SHANK1: variants seen among roughly 807,000 people sequenced by gnomAD.
SHANK1 encodes SH3 and multiple ankyrin repeat domains 1.
Under a neutral mutation model 165.6 loss-of-function variants are expected in SHANK1, and 35 were observed. That is an observed-to-expected ratio of 0.21 (90% CI 0.16 to 0.28). SHANK1 has a LOEUF of 0.28. Ranked by LOEUF, SHANK1 falls within the 10% of genes least tolerant of loss-of-function variation. SHANK1 has a pLI of 1.00. For synonymous variants in SHANK1, 1,428 were observed against 1,384.8 expected (o/e 1.03, Z -0.69); for missense variants, 2,681 against 3,036.4 (o/e 0.88, Z 2.75).
At position 50,667,658 on chromosome 19, in the gene SHANK1, G is replaced by C. The variant is rs559206133; in HGVS notation, c.4302C>G (p.Pro1434=). 1.6e-5 allele frequency: 22 copies of C among 1,402,620 alleles called. No individual in the cohort carries two copies. The South Asian group carries it at 3.0e-4, about 19-fold the overall frequency. 86.9% of individuals were successfully genotyped at this position (1,402,620 alleles called of 1,614,324 possible). The change falls in exon 23 of 24, where the codon CCC becomes CCG. Residue 1434 remains proline, a synonymous_variant. Transcript: ENST00000293441. This position sits in a 1 kb window ranked among gnomAD's most constrained non-coding sequence, Gnocchi z 5.7. ...AACGCCGGGCGGCGGGCGGGCTGGC[G>C]GGAAGGGACTTCTCCTGGCTGCCCA... The part of the protein sequence containing the change: ...AGLGSQEKSL[P]ASPPAARRSL...
rs779352092 is a variant in SHANK1, at chr19:50,689,265, T to C, written c.1979A>G (p.Lys660Arg). ...CTTCTGCAGCAAGACTGTCTTCTCCTTAATGATGTAATCGCTGGCAGGGAG... is the reference window on the plus strand; with the variant it reads ...CTTCTGCAGCAAGACTGTCTTCTCCCTAATGATGTAATCGCTGGCAGGGAG... ...GIGPGSDYII[K>R]EKTVLLQKKD... The change falls in exon 16 of 24, where the codon AAG becomes AGG. Residue 660 changes from lysine to arginine, a missense_variant. This residue lies in a region of SHANK1 where 147 missense variants were observed against 256.5 expected (regional missense o/e 0.57). Transcript: ENST00000293441. 1 of 1,611,934 alleles carries C rather than the reference T, an allele frequency of 6.2e-7. No individual in the cohort carries two copies. The highest frequency in any genetic ancestry group is 1.3e-5 in the African/African-American group (1 of 74,710).
chr19:50,695,515 C>T (rs975935533), intron 15 of SHANK1, among the ~76,000 whole-genome samples: 2 of 151,004 alleles, frequency 1.3e-5, no homozygotes, highest in African/African-American at 2.4e-5. Flanking sequence ...CCGGTCTGGG[C>T]CCCCCCTTAA....
In SHANK1 at chr19:50,700,875, C is replaced by G. The variant is rs140786189; in HGVS notation, c.1747+1592G>C. The stretch of plus-strand genomic sequence containing the variant: ...GCCCTGAAGGAGCTGCACCTGGCCC[C>G]CACAGTAGCTCCTGAATTTGATCAT... On this transcript the variant is annotated intron_variant, in intron 12 of 23. Transcript: ENST00000293441. 2.8e-3 allele frequency among the ~76,000 whole-genome samples: 426 copies of G among 152,222 alleles called. 5 individuals are homozygous for G. Among genetic ancestry groups the G allele is most frequent in the African/African-American group, 9.7e-3 (402 of 41,508 alleles).
Position 50,666,379 on chromosome 19 carries a change from A to C in SHANK1, c.5581T>G (p.Ser1861Ala), listed in dbSNP as rs1021788527. The C allele has an allele frequency of 1.2e-5, 20 of 1,613,500 alleles. No individual in the cohort carries two copies. The highest frequency in any genetic ancestry group is 2.7e-5 in the African/African-American group (2 of 74,936). ...CTGGCTTTTACTGTGGCCAAGGCTGAGGCCTGAGGCTGGGCCAAGGGCCCG... is the reference window on the plus strand; with the variant it reads ...CTGGCTTTTACTGTGGCCAAGGCTGCGGCCTGAGGCTGGGCCAAGGGCCCG... ...LPGPLAQPQASALATVKASII... is the reference protein window; with the variant it reads ...LPGPLAQPQAAALATVKASII... Residue 1861 changes from serine (S) to alanine (A), a missense_variant, in exon 23 of 24, where the codon TCA (serine) becomes GCA (alanine). Around this residue, in one of 10 missense-constraint regions of SHANK1, gnomAD observed 1,713 missense variants for 1,630.2 expected, o/e 1.05. Coordinates refer to ENST00000293441, the MANE Select transcript of SHANK1 (RefSeq NM_016148.5).
chr19:50,678,238 C>G (rs1047277852), intron 21 of SHANK1, among the ~76,000 whole-genome samples: 1 of 152,018 alleles, frequency 6.6e-6, no homozygotes, highest in African/African-American at 2.4e-5. Flanking sequence ...GCTCAAAAAC[C>G]CTGAGATAAA....
chr19:50,669,665 T>G (rs1183155008), intron 22 of SHANK1, among the ~76,000 whole-genome samples: 1 of 152,176 alleles, frequency 6.6e-6, no homozygotes, highest in Non-Finnish European at 1.5e-5. Flanking sequence ...GATGCGTGTT[T>G]CTTTTCACGT....
chr19:50,680,342 A>T lies in SHANK1; in HGVS notation c.2577+5895T>A, dbSNP rs149718836. On this transcript the variant is annotated intron_variant, in intron 21 of 23. Transcript: ENST00000293441. Reference sequence around the variant, plus strand: ...CAGAGAGGGCCTGCGCAGCCCCAGGAGGGAACCCCAGAAGTGGGGAGTGCA... The same window carrying T: ...CAGAGAGGGCCTGCGCAGCCCCAGGTGGGAACCCCAGAAGTGGGGAGTGCA... Among the ~76,000 whole-genome samples the T allele has an allele frequency of 4.5e-3, 685 of 152,214 alleles. 5 individuals are homozygous for T. The highest frequency in any genetic ancestry group is 0.015 in the African/African-American group (639 of 41,530).
In SHANK1 at chr19:50,703,504, G is replaced by A; in HGVS notation, c.1549C>T (p.Pro517Ser). 2 of 1,538,896 alleles carry A rather than the reference G, an allele frequency of 1.3e-6. No homozygotes were observed. Among genetic ancestry groups the A allele is most frequent in the Non-Finnish European group, 1.7e-6 (2 of 1,148,198 alleles). ...EDAKRQPRGR[P>S]SSSGTPREGP... ...AGCCAGGGCTGCCTCCCCTACCTGG[G>A]CCGGCCTCGGGGCTGCCTCTTGGCG... Residue 517 changes from proline to serine, a missense_variant, in exon 11 of 24, where the codon CCC becomes TCC. Pro to Ser is a moderately conservative substitution (Grantham distance 74). Around this residue, in one of 10 missense-constraint regions of SHANK1, gnomAD observed 195 missense variants for 186.2 expected, o/e 1.05. Transcript: ENST00000293441.
rs1211777560 is a variant in SHANK1, at chr19:50,660,719, TGCTG to T, written c.*1242_*1245del. 7.5e-5 allele frequency among the ~76,000 whole-genome samples: 4 copies of T among 53,498 alleles called. No individual in the cohort carries two copies. The highest frequency in any genetic ancestry group is 1.3e-4 in the Non-Finnish European group (4 of 30,982). The allele number at this position is 53,498 out of a possible 152,430, so 35.1% of individuals were successfully genotyped here. A position where few individuals can be genotyped will look rare whatever the true frequency, so the allele number is the denominator to read the frequency against. ...CAAGGCTTCCGGAGAGCACTGAAAA[TGCTG>T]GGGGGGGGGGCGCGTGTGCAAAAGC... On this transcript the variant is annotated 3_prime_UTR_variant, in exon 24 of 24. Coordinates refer to ENST00000293441, the MANE Select transcript of SHANK1 (RefSeq NM_016148.5).
In SHANK1 at chr19:50,713,856, C is replaced by A; in HGVS notation, c.734G>T (p.Arg245Leu). 1 of 1,613,956 alleles carries A rather than the reference C, an allele frequency of 6.2e-7. No individual in the cohort carries two copies. The part of the protein sequence containing the change: ...LGGAHIDFRA[R>L]DGMTALHKAA... Reference sequence around the variant, plus strand: ...CTTATGCAGTGCGGTCATGCCATCCCGGGCCCGGAAGTCAATGTGGGCCCC... The same window carrying A: ...CTTATGCAGTGCGGTCATGCCATCCAGGGCCCGGAAGTCAATGTGGGCCCC... The change falls in exon 6 of 24, where the codon CGG becomes CTG. Residue 245 changes from arginine to leucine, a missense_variant. By Grantham distance (102) the Arg-to-Leu change is moderately radical (BLOSUM62 -2). This residue lies in a region of SHANK1 where 189 missense variants were observed against 440.9 expected (regional missense o/e 0.43). Coordinates refer to ENST00000293441, the MANE Select transcript of SHANK1 (RefSeq NM_016148.5). The surrounding 1 kb of genome is among the most constrained non-coding windows in gnomAD (Gnocchi z 6.2).
chr19:50,678,610 A>G (rs951476387), intron 21 of SHANK1, among the ~76,000 whole-genome samples: 3 of 144,666 alleles, frequency 2.1e-5, no homozygotes, highest in Admixed American at 6.9e-5. Flanking sequence ...GGAGAGGTCA[A>G]TGTGACAGAG....
intron 19 of SHANK1, chr19:50,687,088 G>A (rs1317187838): frequency 3.0e-6 from 4 of 1,321,960 alleles, no homozygotes; most frequent in Admixed American, 3.6e-5. Flanking sequence ...AGGACGTCAG[G>A]GGAAGGTGAG....
chr19:50,666,733 G>A lies in SHANK1; in HGVS notation c.5227C>T (p.Pro1743Ser), dbSNP rs1313229231. 6.4e-7 allele frequency: 1 copy of A among 1,567,736 alleles called. No individual in the cohort carries two copies. The highest frequency in any genetic ancestry group is 8.6e-7 in the Non-Finnish European group (1 of 1,158,018). Residue 1743 changes from proline (P) to serine (S), a missense_variant, in exon 23 of 24, where the codon CCC becomes TCC. Transcript: ENST00000293441. The part of the protein sequence containing the change: ...DGQAFGGSST[P>S]GPPYPPQLMT... Reference sequence around the variant, plus strand: ...AGCTGAGGAGGGTATGGCGGGCCGGGAGTACTGCTGCCCCCAAAGGCCTGG... The same window carrying A: ...AGCTGAGGAGGGTATGGCGGGCCGGAAGTACTGCTGCCCCCAAAGGCCTGG...
rs983648058 is a variant in SHANK1 at position 50,667,140 on chromosome 19, G to A, written c.4820C>T (p.Pro1607Leu). ...GGGAGGGGCTGCGGCCACAGCCGGGGGTGGCACAGGGGGTAACGGGGTGGC... is the reference window on the plus strand; with the variant it reads ...GGGAGGGGCTGCGGCCACAGCCGGGAGTGGCACAGGGGGTAACGGGGTGGC... ...APATPLPPVP[P>L]PAVAAAPPTL... The change falls in exon 23 of 24, where the codon CCC becomes CTC. Residue 1607 changes from proline to leucine, a missense_variant. Coordinates refer to ENST00000293441, the MANE Select transcript of SHANK1 (RefSeq NM_016148.5). The surrounding 1 kb of genome is among the most constrained non-coding windows in gnomAD (Gnocchi z 5.7). 7.7e-6 allele frequency: 12 copies of A among 1,555,652 alleles called. No homozygotes were observed. The highest frequency in any genetic ancestry group is 1.3e-5 in the African/African-American group (1 of 74,568).
intron 23 of SHANK1, among the ~76,000 whole-genome samples, chr19:50,663,743 GAAA>G (rs570620815): frequency 3.5e-5 from 4 of 113,004 alleles, no homozygotes; most frequent in Admixed American, 9.7e-5. Context: ...ACAAGCAGTG[GAAA>G]AAAAAAAAAA....
In SHANK1 at chr19:50,668,171, C is replaced by T; in HGVS notation, c.3789G>A (p.Gly1263=). Residue 1263 remains glycine (G), a synonymous_variant, in exon 23 of 24, where the codon GGG becomes GGA. Transcript: ENST00000293441. ...RSTLFLSTDA[G]DEDGGDGGLG... ...GCCCGCCGTCCCCGCCGTCCTCGTC[C>T]CCCGCGTCGGTGGACAGGAACAGCG... The T allele has an allele frequency of 6.8e-7, 1 of 1,471,098 alleles. No homozygotes were observed. Among genetic ancestry groups the T allele is most frequent in the Non-Finnish European group, 8.9e-7 (1 of 1,120,734 alleles). 91.1% of individuals were successfully genotyped at this position (1,471,098 alleles called of 1,614,324 possible). A position where few individuals can be genotyped will look rare whatever the true frequency, so the allele number is the denominator to read the frequency against.
At chr19:50,711,895 C>T in intron 7 of SHANK1, 52 bp downstream of exon 7, 1 of 1,606,912 alleles carries the variant, frequency 6.2e-7, no homozygotes, top group Non-Finnish European at 8.5e-7. Flanking sequence ...CCTTGGATGC[C>T]TCAGGGACTG....
chr19:50,670,741 GC>G lies in SHANK1; in HGVS notation c.2674+1276del, dbSNP rs1407292201. Among the ~76,000 whole-genome samples the G allele has an allele frequency of 6.6e-6, 1 of 152,050 alleles. No individual in the cohort carries two copies. Among genetic ancestry groups the G allele is most frequent in the Non-Finnish European group, 1.5e-5 (1 of 68,020 alleles). ...AGAGGTAGTTCGCTCTGCCTGGAAT[GC>G]CTCAACCCCAGGGAGCCTCACGATT... On this transcript the variant is annotated intron_variant, in intron 22 of 23. Coordinates refer to ENST00000293441, the MANE Select transcript of SHANK1 (RefSeq NM_016148.5). This position sits in a 1 kb window ranked among gnomAD's most constrained non-coding sequence, Gnocchi z 4.1.
chr19:50,685,876 C>T (rs922571868), intron 21 of SHANK1, among the ~76,000 whole-genome samples: 8 of 152,128 alleles, frequency 5.3e-5, no homozygotes, highest in African/African-American at 1.4e-4. Context: ...ATAAGTACTA[C>T]GTGTTGGGTA....
Sources: allele counts gnomAD v4.1 joint callset (sites outside exome capture counted in the v4.1 genomes callset), GRCh38; gene constraint gnomAD v4.1.1; regional missense constraint gnomAD v4.1.1; non-coding constraint Gnocchi (gnomAD v3.1); transcripts MANE v1.5; gene names NCBI Gene and HGNC (gene_info 2026-07-23, HGNC 2026-07-21).